Variants in FUT8 observed in about 807,000 individuals in gnomAD.
FUT8 encodes fucosyltransferase 8.
Under a neutral mutation model 71.3 loss-of-function variants are expected in FUT8, and 29 were observed. The ratio of observed to expected loss-of-function variants is 0.41; its 90% CI spans 0.30 to 0.55. The LOEUF (loss-of-function observed/expected upper bound fraction) is 0.55. FUT8 is among the 20% of genes least tolerant of loss of function. The pLI, the probability that FUT8 is intolerant of heterozygous loss-of-function variation, is 0.34. For missense variants in FUT8, 544 were observed against 702.1 expected (o/e 0.77, Z 2.55); for synonymous variants, 254 against 239.3 (o/e 1.06, Z -0.57).
intron 3 of FUT8, among the ~76,000 whole-genome samples, chr14:65,591,180 AAGTT>A (rs1217553604): frequency 5.3e-5 from 8 of 152,152 alleles, no homozygotes; most frequent in Admixed American, 2.0e-4. Flanking sequence ...AATGAATGTG[AAGTT>A]AGTTTAAAAT....
chr14:65,380,817 G>A, the FUT8 span, among the ~76,000 whole-genome samples: 64 of 152,310 alleles, frequency 4.2e-4, no homozygotes, highest in Admixed American at 8.5e-4. Context: ...AAAGTGTTTC[G>A]CAGAGAAAGG....
intron 7 of FUT8, among the ~76,000 whole-genome samples, chr14:65,713,278 T>G (rs1398665188): frequency 6.6e-6 from 1 of 152,214 alleles, no homozygotes; most frequent in Non-Finnish European, 1.5e-5. Flanking sequence ...TTGTGTATAT[T>G]TACCATATTT....
chr14:65,511,504 CTAT>C (rs1462738597), intron 2 of FUT8, among the ~76,000 whole-genome samples: 1 of 152,138 alleles, frequency 6.6e-6, no homozygotes, highest in Non-Finnish European at 1.5e-5. Context: ...AAATCTCCAG[CTAT>C]TATTGTATTG....
At chr14:65,430,219 C>T (rs1427772960) in intron 1 of FUT8, 2 of 150,830 alleles carry the variant, frequency 1.3e-5, no homozygotes, top group East Asian at 1.9e-4. Flanking sequence ...TTTGTAGAGA[C>T]AGGGTTTCTC....
In FUT8 at chr14:65,438,542, G is replaced by C. The variant is rs1339213810; in HGVS notation, c.-325-17079G>C. On this transcript the variant is annotated intron_variant, in intron 1 of 10. Coordinates refer to ENST00000673929, the MANE Select transcript of FUT8 (RefSeq NM_001371533.1). ...GATAGGGGCTATACTTGTAAGGATG[G>C]TAGAATGGAGAGCTGGAAAGACCCT... 2.0e-5 allele frequency among the ~76,000 whole-genome samples: 3 copies of C among 152,216 alleles called. No individual in the cohort carries two copies. In the East Asian group the frequency reaches 5.8e-4, roughly 29 times the overall value.
At chr14:65,507,432 A>G (rs2066753092) in intron 2 of FUT8, among the ~76,000 whole-genome samples, 2 of 152,088 alleles carry the variant, frequency 1.3e-5, no homozygotes, top group African/African-American at 4.8e-5. Context: ...TGTACCCATT[A>G]ACCATCCCCA....
intron 3 of FUT8, among the ~76,000 whole-genome samples, chr14:65,566,658 A>G (rs1886211942): frequency 6.6e-6 from 1 of 151,974 alleles, no homozygotes; most frequent in Non-Finnish European, 1.5e-5. Context: ...GATAAGAGGT[A>G]ATGCAACTTA....
At chr14:65,728,380 G>A (rs1029556069) in intron 9 of FUT8, among the ~76,000 whole-genome samples, 6 of 152,224 alleles carry the variant, frequency 3.9e-5, no homozygotes, top group East Asian at 1.9e-4. Context: ...GGCGAAAGGC[G>A]TGACTTATGT....
upstream of FUT8, among the ~76,000 whole-genome samples, chr14:65,406,604 C>T (rs1448293658): frequency 3.9e-5 from 6 of 152,230 alleles, no homozygotes; most frequent in East Asian, 3.9e-4. Context: ...AGCATAATCT[C>T]GGCTCACTGC....
intron 3 of FUT8, among the ~76,000 whole-genome samples, chr14:65,576,648 C>A (rs569598977): frequency 6.8e-5 from 10 of 147,730 alleles, no homozygotes; most frequent in Non-Finnish European, 1.3e-4. Flanking sequence ...CCTACTTCAG[C>A]CTCCCAAGTA....
chr14:65,579,665 G>A (rs1461987247), intron 3 of FUT8, among the ~76,000 whole-genome samples: 1 of 152,068 alleles, frequency 6.6e-6, no homozygotes. Context: ...TATTGGACAT[G>A]GTAATGCCAT....
At chr14:65,468,965 TA>T (rs112259202) in intron 2 of FUT8, among the ~76,000 whole-genome samples, 11,346 of 149,868 alleles carry the variant, frequency 0.076, 506 homozygotes, top group Admixed American at 0.12. Context: ...GCCTGGCGAT[TA>T]AAAAAAAAAT....
intron 6 of FUT8, among the ~76,000 whole-genome samples, chr14:65,664,686 T>C (rs1332867950): frequency 6.6e-6 from 1 of 152,148 alleles, no homozygotes; most frequent in Non-Finnish European, 1.5e-5. Flanking sequence ...AGCTTTTGTT[T>C]CTAGGGCTCT....
intron 1 of FUT8, among the ~76,000 whole-genome samples, chr14:65,442,413 G>C (rs60613453): frequency 2.6e-5 from 4 of 151,696 alleles, no homozygotes. Context: ...CTCATGATCC[G>C]CCTGCTTCAG....
At chr14:65,555,062 C>A (rs1232565561) in intron 2 of FUT8, among the ~76,000 whole-genome samples, 4 of 152,130 alleles carry the variant, frequency 2.6e-5, no homozygotes, top group African/African-American at 4.8e-5. Flanking sequence ...ATCTGGTCCA[C>A]AGCCCATTTT....
intron 2 of FUT8, among the ~76,000 whole-genome samples, chr14:65,493,305 C>T (rs2066510381): frequency 6.6e-6 from 1 of 152,046 alleles, no homozygotes; most frequent in African/African-American, 2.4e-5. Flanking sequence ...GTAATGCAGA[C>T]CACTTTATTA....
intron 7 of FUT8, among the ~76,000 whole-genome samples, chr14:65,704,024 A>G (rs1176816790): frequency 6.6e-6 from 1 of 152,154 alleles, no homozygotes; most frequent in East Asian, 1.9e-4. Context: ...TAATTCTTAT[A>G]TCTTAGGGTA....
chr14:65,510,860 A>G (rs184611856), intron 2 of FUT8, among the ~76,000 whole-genome samples: 29 of 152,068 alleles, frequency 1.9e-4, no homozygotes, highest in Non-Finnish European at 1.3e-4. Context: ...CCAGCAACCA[A>G]CTTTTTGATT....
In FUT8 at chr14:65,721,509, A is replaced by G. The variant is rs920767591; in HGVS notation, c.836-266A>G. 2.0e-5 allele frequency among the ~76,000 whole-genome samples: 3 copies of G among 152,186 alleles called. No individual in the cohort carries two copies. The South Asian group carries it at 6.2e-4, about 32-fold the overall frequency. ...TTAGATACTTTGAGTTCTGCATACC[A>G]TGAGGTGTTGGTATGATAGCATGTT... is the stretch of plus-strand genomic sequence containing the variant. On this transcript the variant is annotated intron_variant, in intron 7 of 10. Transcript: ENST00000673929.
Sources: gnomAD v4.1 joint callset for allele counts (sites outside exome capture counted in the v4.1 genomes callset) on GRCh38, gnomAD v4.1.1 for gene constraint, MANE v1.5 for transcripts, NCBI Gene and HGNC (gene_info 2026-07-23, HGNC 2026-07-21) for gene names.